Variants in STYXL1 observed in about 807,000 individuals in gnomAD.
STYXL1 encodes serine/threonine/tyrosine interacting like 1.
A neutral mutation model predicts 36.4 loss-of-function variants in STYXL1; 32 were observed. The ratio of observed to expected loss-of-function variants is 0.88; its 90% CI spans 0.66 to 1.18. STYXL1 has a LOEUF of 1.18. Ranked by LOEUF, STYXL1 falls within the 50% of genes most tolerant of loss-of-function variation. The pLI is 0.00. For synonymous variants in STYXL1, 133 were observed against 144.1 expected (o/e 0.92, Z 0.55); for missense variants, 354 against 394.1 (o/e 0.90, Z 0.86).
Position 76,037,679 on chromosome 7 carries a change from G to A in STYXL1, c.-4-7152C>T, listed in dbSNP as rs140289362. Among the ~76,000 whole-genome samples, 557 of 149,774 alleles carry A rather than the reference G, an allele frequency of 3.7e-3. 51 individuals are homozygous for A. Among genetic ancestry groups the A allele is most frequent in the South Asian group, 0.015 (70 of 4,568 alleles). On this transcript the variant is annotated intron_variant, in intron 1 of 8. Transcript: ENST00000359697. Reference sequence around the variant, plus strand: ...GAGGATACTGCAGGCTTGACCCAGCGCTCAACTGCCAAGCCACCCTAACCC... The same window carrying A: ...GAGGATACTGCAGGCTTGACCCAGCACTCAACTGCCAAGCCACCCTAACCC...
intron 3 of STYXL1, among the ~76,000 whole-genome samples, chr7:76,024,251 G>C (rs537408363): frequency 6.6e-4 from 101 of 152,260 alleles, no homozygotes; most frequent in African/African-American, 2.3e-3. Flanking sequence ...CCTCAAAAAG[G>C]GGGAGGTGTT....
intron 4 of STYXL1, among the ~76,000 whole-genome samples, chr7:76,017,730 A>G (rs1563488334): frequency 6.6e-6 from 1 of 151,312 alleles, no homozygotes; most frequent in East Asian, 1.9e-4. Context: ...TACTGAAAAT[A>G]CAAAAAAATA....
intron 4 of STYXL1, among the ~76,000 whole-genome samples, chr7:76,016,130 A>G (rs1793279615): frequency 6.6e-6 from 1 of 152,102 alleles, no homozygotes. Context: ...ACACACATAT[A>G]TCTATACATA....
At chr7:75,997,519 A>C (rs1411977543) in intron 8 of STYXL1, among the ~76,000 whole-genome samples, 1 of 152,202 alleles carries the variant, frequency 6.6e-6, no homozygotes, top group Non-Finnish European at 1.5e-5. Context: ...CAATGGCGAA[A>C]GATAAAGTTT....
chr7:76,005,885 GGAGGAGGAGGAGGAGA>G (rs1563468268), intron 5 of STYXL1, among the ~76,000 whole-genome samples: 15 of 116,186 alleles, frequency 1.3e-4, no homozygotes, highest in African/African-American at 2.1e-4. Context: ...GGAGGAGAGA[GGAGGAGGAGGAGGAGA>G]GAGGAGGAGG....
At chr7:76,045,572 C>T (rs1207227425) in intron 1 of STYXL1, 3 of 152,272 alleles carry the variant, frequency 2.0e-5, no homozygotes, top group South Asian at 2.1e-4. Flanking sequence ...TGGTGCACAC[C>T]TGTAATCCCA....
At chr7:76,047,369 G>A (rs1797269557) in intron 1 of STYXL1, among the ~76,000 whole-genome samples, 1 of 152,238 alleles carries the variant, frequency 6.6e-6, no homozygotes, top group Non-Finnish European at 1.5e-5. Flanking sequence ...CAGCCACAGT[G>A]TCTTTATTCG....
chr7:76,012,945 A>T (rs1585222496), intron 5 of STYXL1, among the ~76,000 whole-genome samples: 1 of 152,104 alleles, frequency 6.6e-6, no homozygotes, highest in African/African-American at 2.4e-5. Context: ...TGCCTTTCTG[A>T]CCTTGGTATC....
intron 5 of STYXL1, among the ~76,000 whole-genome samples, chr7:76,012,512 C>T (rs1414688066): frequency 6.6e-6 from 1 of 152,044 alleles, no homozygotes; most frequent in African/African-American, 2.4e-5. Flanking sequence ...TCCTGCCTCA[C>T]CCTCCTGAGT....
chr7:76,014,181 G>A (rs1792966051), intron 4 of STYXL1, among the ~76,000 whole-genome samples: 1 of 151,644 alleles, frequency 6.6e-6, no homozygotes. Flanking sequence ...CACCATGTTT[G>A]CCAGCCTGGT....
intron 7 of STYXL1, 26 bp downstream of exon 7, chr7:76,003,732 C>A: frequency 2.5e-6 from 4 of 1,606,210 alleles, no homozygotes; most frequent in Non-Finnish European, 3.4e-6. Flanking sequence ...AGGCCAGTTG[C>A]TACCCGGCCA....
intron 1 of STYXL1, among the ~76,000 whole-genome samples, chr7:76,032,858 G>A (rs1554579748): frequency 6.6e-6 from 1 of 152,166 alleles, no homozygotes; most frequent in African/African-American, 2.4e-5. Flanking sequence ...GGGAGGGGGA[G>A]AGAGGACGAA....
chr7:75,998,820 C>T (rs1293415711), intron 8 of STYXL1: 1 of 152,148 alleles, frequency 6.6e-6, no homozygotes, highest in African/African-American at 2.4e-5. Flanking sequence ...ACACAAATTA[C>T]TAATACAGAA....
chr7:75,996,711 G>A, intron 8 of STYXL1, 112 bp from the exon 9 acceptor site: 13 of 1,002,158 alleles, frequency 1.3e-5, no homozygotes, highest in South Asian at 4.6e-5. Context: ...CAGCAACACG[G>A]CTTAAGGGCT....
chr7:76,041,533 T>C (rs4470976), intron 1 of STYXL1, among the ~76,000 whole-genome samples: 25,385 of 152,108 alleles, frequency 0.17, 2,379 homozygotes, highest in East Asian at 0.31. Context: ...TGAGAGCAGG[T>C]TGTTATAAAG....
chr7:76,028,777 G>T (rs1412558291), intron 2 of STYXL1, 74 bp from the exon 3 acceptor site: 1 of 1,287,910 alleles, frequency 7.8e-7, no homozygotes, highest in African/African-American at 1.5e-5. Flanking sequence ...GACCTACGTC[G>T]TCATCAACGT....
chr7:76,006,218 C>T (rs782249640), intron 5 of STYXL1, among the ~76,000 whole-genome samples: 6 of 151,962 alleles, frequency 3.9e-5, no homozygotes, highest in African/African-American at 7.2e-5. Flanking sequence ...ACTACAGGTG[C>T]GCATGACCAT....
At chr7:76,000,003 C>G (rs1790674934) in intron 8 of STYXL1, among the ~76,000 whole-genome samples, 1 of 151,624 alleles carries the variant, frequency 6.6e-6, no homozygotes, top group Non-Finnish European at 1.5e-5. Flanking sequence ...ATCGCCTGGC[C>G]AAGATGGTGA....
chr7:76,044,431 T>C lies in STYXL1; in HGVS notation c.-5+3231A>G, dbSNP rs922312796. On this transcript the variant is annotated intron_variant, in intron 1 of 8. Coordinates refer to ENST00000359697, the MANE Select transcript of STYXL1 (RefSeq NM_001317785.2). ...TTCCAGAGGGGTGGAATTACAGGCATGAGCCACTGCACTGGGCCAAATGTG... is the reference window on the plus strand; with the variant it reads ...TTCCAGAGGGGTGGAATTACAGGCACGAGCCACTGCACTGGGCCAAATGTG... The C allele has an allele frequency of 2.0e-5, 3 of 152,166 alleles. 1 individual carries two copies. The highest frequency in any genetic ancestry group is 2.0e-4 in the Admixed American group (3 of 15,266). The allele number at this position is 152,166 out of a possible 1,614,324, so 9.4% of individuals were successfully genotyped here.
Sources: allele counts gnomAD v4.1 joint callset (sites outside exome capture counted in the v4.1 genomes callset), GRCh38; gene constraint gnomAD v4.1.1; transcripts MANE v1.5; gene names NCBI Gene and HGNC (gene_info 2026-07-23, HGNC 2026-07-21).